ELMOD1: variants seen among roughly 807,000 people sequenced by gnomAD.
ELMOD1 encodes the protein ELMO domain-containing protein 1.
In ELMOD1, 21 loss-of-function variants were observed where a neutral mutation model predicts 46.7. The ratio of observed to expected loss-of-function variants is 0.45; its 90% CI spans 0.32 to 0.65. The LOEUF is 0.65. Among genes scored for constraint, ELMOD1 ranks in the 30% least tolerant of loss-of-function variants. The pLI is 0.04. For synonymous variants in ELMOD1, 122 were observed against 138.2 expected (o/e 0.88, Z 0.82); for missense variants, 348 against 407.8 (o/e 0.85, Z 1.26).
rs1866580539 is a variant in ELMOD1, at chr11:107,654,241, A to G, written c.698+19A>G. 2 of 1,580,976 alleles carry G rather than the reference A, an allele frequency of 1.3e-6. No homozygotes were observed. Among genetic ancestry groups the G allele is most frequent in the Non-Finnish European group, 1.7e-6 (2 of 1,161,828 alleles). On this transcript the variant is annotated intron_variant, in intron 10 of 11. Transcript: ENST00000265840. The stretch of plus-strand genomic sequence containing the variant: ...CAATTGGGTGAGTATGGGATCTCAC[A>G]TGGAAAGATGGTCCGTCTGAAACAG...
intron 11 of ELMOD1, among the ~76,000 whole-genome samples, chr11:107,656,318 A>G (rs1376036778): frequency 6.6e-6 from 1 of 151,348 alleles, no homozygotes; most frequent in Non-Finnish European, 1.5e-5. Flanking sequence ...AACCCAGCAG[A>G]TGGAGGTTGC....
rs1335922168 is a variant in ELMOD1 at position 107,654,158 on chromosome 11, A to G, written c.648-14A>G. On this transcript the variant is annotated splice_polypyrimidine_tract_variant and intron_variant, in intron 9 of 11. Transcript: ENST00000265840. ...TTAAATCTGACTTACTTACTTATTC[A>G]TTCATCCATTCAGCAAATTCAGCAA... The G allele has an allele frequency of 6.4e-7, 1 of 1,571,438 alleles. No homozygotes were observed. Among genetic ancestry groups the G allele is most frequent in the South Asian group, 1.2e-5 (1 of 85,108 alleles).
chr11:107,603,811 G>A (rs985262664), intron 1 of ELMOD1, among the ~76,000 whole-genome samples: 3 of 151,742 alleles, frequency 2.0e-5, no homozygotes, highest in Admixed American at 6.6e-5. Context: ...CTGGGAGGCA[G>A]AGGTTGCAGT....
chr11:107,621,717 T>TGTTTGTGTCACATCACCCCATTAC (rs1555063344), intron 2 of ELMOD1, among the ~76,000 whole-genome samples: 6 of 152,148 alleles, frequency 3.9e-5, no homozygotes, highest in South Asian at 2.1e-4. Flanking sequence ...CTGTGAGGTA[T>TGTTTGTGTCACATCACCCCATTAC]TGTAGGTGAT....
In ELMOD1 at chr11:107,635,885, C is replaced by A. The variant is rs1866221712; in HGVS notation, c.420+120C>A. ...TACAAAGATGGATCAGACACGGGCA[C>A]CTAACTGGTTGGTAAGGTCAAGTTT... On this transcript the variant is annotated intron_variant, in intron 6 of 11. Transcript: ENST00000265840. 6 of 1,021,314 alleles carry A rather than the reference C, an allele frequency of 5.9e-6. No individual in the cohort carries two copies. The Middle Eastern group carries it at 6.5e-4, about 111-fold the overall frequency. 63.3% of individuals were successfully genotyped at this position (1,021,314 alleles called of 1,614,324 possible).
intron 1 of ELMOD1, among the ~76,000 whole-genome samples, chr11:107,606,402 G>A (rs1865685373): frequency 6.6e-6 from 1 of 152,192 alleles, no homozygotes; most frequent in Admixed American, 6.5e-5. Context: ...TGTTCCCTCA[G>A]AGACGTGCTT....
In ELMOD1 at chr11:107,622,278, C is replaced by T. The variant is rs151242293; in HGVS notation, c.17+4072C>T. ...TGTAAACAAGGCCAAGAAGGCATGACTGGTGCCATAAGCACTAGTGGTCCA... is the reference window on the plus strand; with the variant it reads ...TGTAAACAAGGCCAAGAAGGCATGATTGGTGCCATAAGCACTAGTGGTCCA... On this transcript the variant is annotated intron_variant, in intron 2 of 11. Transcript: ENST00000265840. Among the ~76,000 whole-genome samples, 398 of 152,270 alleles carry T rather than the reference C, an allele frequency of 2.6e-3. 1 individual carries two copies. The highest frequency in any genetic ancestry group is 0.017 in the Middle Eastern group (5 of 294).
intron 1 of ELMOD1, among the ~76,000 whole-genome samples, chr11:107,610,159 C>T (rs1456716621): frequency 1.3e-5 from 2 of 151,990 alleles, no homozygotes; most frequent in African/African-American, 2.4e-5. Flanking sequence ...ACAATATTAG[C>T]GATTTATTAG....
chr11:107,627,719 A>C (rs981087785), intron 2 of ELMOD1, among the ~76,000 whole-genome samples: 1 of 152,164 alleles, frequency 6.6e-6, no homozygotes, highest in Admixed American at 6.5e-5. Context: ...TTTGTAGCTT[A>C]ATTTAAGCTC....
rs537686400 is a variant in ELMOD1 at position 107,595,849 on chromosome 11, A to G, written c.-86+4440A>G. Reference sequence around the variant, plus strand: ...ATAAAATAAACTCTTAAGTGTTTCTATGGTTCCAAGGGATGAATAACTTTA... The same window carrying G: ...ATAAAATAAACTCTTAAGTGTTTCTGTGGTTCCAAGGGATGAATAACTTTA... On this transcript the variant is annotated intron_variant, in intron 1 of 11. Coordinates refer to ENST00000265840, the MANE Select transcript of ELMOD1 (RefSeq NM_018712.4). 8.5e-5 allele frequency among the ~76,000 whole-genome samples: 13 copies of G among 152,242 alleles called. No homozygotes were observed. The East Asian group carries it at 1.3e-3, about 16-fold the overall frequency.
In ELMOD1 at chr11:107,645,032, C is replaced by T. The variant is rs191236397; in HGVS notation, c.421-2436C>T. Reference sequence around the variant, plus strand: ...TCCGCCTCTGGGTTCAAGCCATTCTCCTGCTTCAGCCTCCCGAATAGCTGG... The same window carrying T: ...TCCGCCTCTGGGTTCAAGCCATTCTTCTGCTTCAGCCTCCCGAATAGCTGG... On this transcript the variant is annotated intron_variant, in intron 6 of 11. Coordinates refer to ENST00000265840, the MANE Select transcript of ELMOD1 (RefSeq NM_018712.4). Among the ~76,000 whole-genome samples the T allele has an allele frequency of 4.3e-3, 642 of 151,020 alleles. 2 individuals are homozygous for T. The highest frequency in any genetic ancestry group is 0.017 in the Middle Eastern group (5 of 286).
intron 1 of ELMOD1, among the ~76,000 whole-genome samples, chr11:107,612,824 A>G (rs1865802239): frequency 6.6e-6 from 1 of 152,260 alleles, no homozygotes; most frequent in South Asian, 2.1e-4. Flanking sequence ...AACATTTAGC[A>G]TAGTTATTTA....
intron 1 of ELMOD1, among the ~76,000 whole-genome samples, chr11:107,599,826 A>G (rs143452025): frequency 6.6e-6 from 1 of 152,132 alleles, no homozygotes; most frequent in Non-Finnish European, 1.5e-5. Flanking sequence ...AGAGGATTCA[A>G]AAAGACCCTA....
chr11:107,622,001 T>C (rs578253886), intron 2 of ELMOD1, among the ~76,000 whole-genome samples: 1 of 152,278 alleles, frequency 6.6e-6, no homozygotes, highest in African/African-American at 2.4e-5. Flanking sequence ...CACTCTAGCC[T>C]AGGTGACAAG....
At chr11:107,662,270 A>G (rs1014726325) in intron 11 of ELMOD1, among the ~76,000 whole-genome samples, 5 of 152,178 alleles carry the variant, frequency 3.3e-5, no homozygotes, top group African/African-American at 1.2e-4. Context: ...CAGCCTCCCA[A>G]GTAGCTGGGA....
At chr11:107,645,831 G>A (rs1476448965) in intron 6 of ELMOD1, among the ~76,000 whole-genome samples, 2 of 152,136 alleles carry the variant, frequency 1.3e-5, no homozygotes, top group South Asian at 2.1e-4. Context: ...TGAATAGTAA[G>A]TAGTATTAGC....
intron 1 of ELMOD1, among the ~76,000 whole-genome samples, chr11:107,604,468 T>C (rs1865654668): frequency 2.0e-5 from 3 of 152,214 alleles, no homozygotes; most frequent in Non-Finnish European, 2.9e-5. Flanking sequence ...TAAATTCTTA[T>C]GCAGAAGCAT....
intron 7 of ELMOD1, 75 bp from the exon 8 acceptor site, chr11:107,650,260 C>T (rs533574061): frequency 3.6e-5 from 39 of 1,092,482 alleles, no homozygotes; most frequent in East Asian, 5.3e-5. Flanking sequence ...AAAATGACCT[C>T]GAATTGGATT....
chr11:107,655,572 C>T (rs1474792636), intron 10 of ELMOD1, among the ~76,000 whole-genome samples: 1 of 39,424 alleles, frequency 2.5e-5, no homozygotes, highest in Non-Finnish European at 4.5e-5. Flanking sequence ...TATTGAAATG[C>T]CTTTTTTTTT....
Sources: allele counts gnomAD v4.1 joint callset (sites outside exome capture counted in the v4.1 genomes callset), GRCh38; gene constraint gnomAD v4.1.1; transcripts MANE v1.5; gene names NCBI Gene and HGNC (gene_info 2026-07-23, HGNC 2026-07-21).